The following PCDH15 variants were observed in gnomAD, a reference collection of about 807,000 sequenced individuals.
The protein encoded by PCDH15 is protocadherin-15.
Under a neutral mutation model 178.5 loss-of-function variants are expected in PCDH15, and 129 were observed. The observed-to-expected ratio is 0.72, with a 90% CI of 0.63 to 0.84. PCDH15 has a LOEUF of 0.84. PCDH15 is among the 40% of genes least tolerant of loss of function. PCDH15 has a pLI of 0.00. For synonymous variants in PCDH15, 800 were observed against 732.0 expected (o/e 1.09, Z -1.50); for missense variants, 2,230 against 2,099.9 (o/e 1.06, Z -1.21).
At chr10:54,077,784 T>C (rs541542407) in intron 17 of PCDH15, among the ~76,000 whole-genome samples, 1 of 152,278 alleles carries the variant, frequency 6.6e-6, no homozygotes, top group South Asian at 2.1e-4. Flanking sequence ...TAGGGCAGGC[T>C]GGGCGCAGTG....
chr10:54,380,048 G>A (rs1450099057), intron 3 of PCDH15, among the ~76,000 whole-genome samples: 1 of 152,000 alleles, frequency 6.6e-6, no homozygotes, highest in Non-Finnish European at 1.5e-5. Context: ...AAGAAAAGTG[G>A]AAGGCTCTTT....
chr10:54,246,485 T>C (rs2055939574), intron 8 of PCDH15, among the ~76,000 whole-genome samples: 1 of 151,912 alleles, frequency 6.6e-6, no homozygotes, highest in Admixed American at 6.6e-5. Context: ...GAGTGTAAGA[T>C]TCTTGCATAT....
rs190815761 is a variant in PCDH15 at position 54,620,169 on chromosome 10, A to C, written c.91+44003T>G. Among the ~76,000 whole-genome samples, 8 of 152,190 alleles carry C rather than the reference A, an allele frequency of 5.3e-5. No homozygotes were observed. In the East Asian group the frequency reaches 1.5e-3, roughly 29 times the overall value. On this transcript the variant is annotated intron_variant, in intron 2 of 37. Coordinates refer to ENST00000644397, the MANE Select transcript of PCDH15 (RefSeq NM_001384140.1). ...CCTAAAGATTTACTTTGTTCTTTAC[A>C]GAAAAAGTTTGCTGACCCCCAACTC...
At chr10:54,575,207 G>A (rs2090333941) in intron 2 of PCDH15, 2 of 148,976 alleles carry the variant, frequency 1.3e-5, no homozygotes, top group Admixed American at 1.3e-4. Flanking sequence ...GCTAGATGAC[G>A]AGTTAGTGGG....
rs190673997 is a variant in PCDH15 at position 54,525,011 on chromosome 10, T to C, written c.157+2801A>G. 1.6e-3 allele frequency among the ~76,000 whole-genome samples: 246 copies of C among 152,318 alleles called. 1 individual carries two copies. The highest frequency in any genetic ancestry group is 1.6e-3 in the Non-Finnish European group (108 of 68,010). Reference sequence around the variant, plus strand: ...CATAATTCTTCCAAGCATGCACATATGTATAAATGCACTTGACATATATAT... The same window carrying C: ...CATAATTCTTCCAAGCATGCACATACGTATAAATGCACTTGACATATATAT... On this transcript the variant is annotated intron_variant, in intron 3 of 37. Coordinates refer to ENST00000644397, the MANE Select transcript of PCDH15 (RefSeq NM_001384140.1).
chr10:55,407,511 T>C (rs575338681), intron 2 of PCDH15, among the ~76,000 whole-genome samples: 143 of 152,182 alleles, frequency 9.4e-4, no homozygotes, highest in Non-Finnish European at 1.8e-3. Flanking sequence ...CTATCAAGCT[T>C]CCTGTCTATC....
At chr10:55,260,787 A>G (rs1457767699) in intron 1 of PCDH15, among the ~76,000 whole-genome samples, 2 of 152,218 alleles carry the variant, frequency 1.3e-5, no homozygotes, top group African/African-American at 2.4e-5. Flanking sequence ...TATAAAAAGA[A>G]TAGATAAGCA....
chr10:55,565,421 A>C (rs1304677232), intron 2 of PCDH15, among the ~76,000 whole-genome samples: 1 of 151,694 alleles, frequency 6.6e-6, no homozygotes, highest in Non-Finnish European at 1.5e-5. Flanking sequence ...TTAATTTAGA[A>C]AAAGACATAT....
chr10:53,908,901 A>T (rs1018076647), intron 25 of PCDH15, among the ~76,000 whole-genome samples: 2 of 152,260 alleles, frequency 1.3e-5, no homozygotes, highest in African/African-American at 4.8e-5. Context: ...GATTGAAGTC[A>T]GTTCCTCACT....
chr10:55,279,304 G>T (rs1842671071), intron 1 of PCDH15, among the ~76,000 whole-genome samples: 1 of 152,146 alleles, frequency 6.6e-6, no homozygotes, highest in Non-Finnish European at 1.5e-5. Context: ...TAGTAGATGT[G>T]CGTGGAAATT....
intron 8 of PCDH15, among the ~76,000 whole-genome samples, chr10:54,295,037 A>T (rs530987610): frequency 9.9e-5 from 15 of 152,278 alleles, no homozygotes; most frequent in Non-Finnish European, 2.1e-4. Flanking sequence ...GTTTTTTTGT[A>T]TATATTTGAA....
intron 2 of PCDH15, among the ~76,000 whole-genome samples, chr10:54,996,158 C>T (rs1839638331): frequency 6.6e-6 from 1 of 152,146 alleles, no homozygotes; most frequent in East Asian, 1.9e-4. Context: ...TTCAGAAACC[C>T]TCCTAAACAG....
chr10:53,855,898 T>TTA (rs2078690204), intron 28 of PCDH15, among the ~76,000 whole-genome samples: 1 of 74,390 alleles, frequency 1.3e-5, no homozygotes, highest in African/African-American at 1.2e-4. Flanking sequence ...AAAAAAAAGG[T>TTA]GATATGTATA....
At chr10:54,956,816 T>G (rs1838501704) in intron 2 of PCDH15, among the ~76,000 whole-genome samples, 1 of 151,730 alleles carries the variant, frequency 6.6e-6, no homozygotes, top group Non-Finnish European at 1.5e-5. Flanking sequence ...TTCAAACCAA[T>G]ATTTATGTCA....
At chr10:55,119,049 C>T (rs751357844) in intron 2 of PCDH15, among the ~76,000 whole-genome samples, 4 of 152,184 alleles carry the variant, frequency 2.6e-5, no homozygotes, top group South Asian at 2.1e-4. Flanking sequence ...GCACCTGGCA[C>T]GTCTCCTGGT....
chr10:54,876,252 A>T (rs1584906), intron 3 of PCDH15, among the ~76,000 whole-genome samples: 145,377 of 151,778 alleles, frequency 0.96, 69,731 homozygotes, highest in East Asian at 0.99. Flanking sequence ...AGAAAAAAAA[A>T]TTTTTAATAT....
intron 17 of PCDH15, among the ~76,000 whole-genome samples, chr10:54,069,075 A>G (rs903691944): frequency 1.4e-4 from 22 of 152,180 alleles, no homozygotes; most frequent in Non-Finnish European, 2.4e-4. Flanking sequence ...TTTCTTTAAA[A>G]TTTGCCTTAG....
intron 1 of PCDH15, among the ~76,000 whole-genome samples, chr10:54,703,062 GT>G (rs572042886): frequency 1.6e-3 from 238 of 152,184 alleles, no homozygotes; most frequent in African/African-American, 5.6e-3. Context: ...GTGATGCAAG[GT>G]TGGTTCAACA....
At chr10:54,784,641 T>C (rs1293542546) in intron 1 of PCDH15, among the ~76,000 whole-genome samples, 1 of 149,524 alleles carries the variant, frequency 6.7e-6, no homozygotes, top group Non-Finnish European at 1.5e-5. Context: ...ACAGATGATA[T>C]CTAACATCAT....
Sources: gnomAD v4.1 joint callset for allele counts (sites outside exome capture counted in the v4.1 genomes callset) on GRCh38, gnomAD v4.1.1 for gene constraint, MANE v1.5 for transcripts, NCBI Gene and HGNC (gene_info 2026-07-23, HGNC 2026-07-21) for gene names.